Variants in ATRN observed in about 807,000 individuals in gnomAD.
ATRN encodes the protein attractin-2.
In ATRN, 54 loss-of-function variants were observed where a neutral mutation model predicts 178.7. That is an observed-to-expected ratio of 0.30 (90% confidence interval 0.24 to 0.38). The LOEUF (loss-of-function observed/expected upper bound fraction) is 0.38, where lower values mean the gene tolerates loss of function less well. Among genes scored for constraint, ATRN ranks in the 10% least tolerant of loss-of-function variants. The pLI, the probability that ATRN is intolerant of heterozygous loss-of-function variation, is 1.00. For missense variants in ATRN, 1,443 were observed against 1,815.1 expected (o/e 0.79, Z 3.73); for synonymous variants, 636 against 663.0 (o/e 0.96, Z 0.63).
intron 24 of ATRN, chr20:3,615,985 T>C (rs899993359): frequency 2.7e-5 from 6 of 224,712 alleles, no homozygotes; most frequent in African/African-American, 4.7e-5. Flanking sequence ...ATGGCATATG[T>C]ATACATATGT....
chr20:3,607,990 A>T (rs1230465246), intron 24 of ATRN, among the ~76,000 whole-genome samples: 2 of 152,100 alleles, frequency 1.3e-5, no homozygotes, highest in Non-Finnish European at 1.5e-5. Context: ...TTTTTTTCAT[A>T]TGCCTGTTGG....
intron 1 of ATRN, chr20:3,489,685 G>A: frequency 6.4e-7 from 1 of 1,568,516 alleles, no homozygotes; most frequent in Non-Finnish European, 8.8e-7. Context: ...TCTTCAATCT[G>A]CGTCACATTA....
intron 19 of ATRN, among the ~76,000 whole-genome samples, chr20:3,591,803 T>TC (rs1262019767): frequency 6.6e-6 from 1 of 151,704 alleles, no homozygotes; most frequent in African/African-American, 2.4e-5. Context: ...TTCCCCCTCC[T>TC]CCCCCCATCA....
At chr20:3,616,017 C>T (rs1341333397) in intron 24 of ATRN, 7 of 156,476 alleles carry the variant, frequency 4.5e-5, no homozygotes, top group Middle Eastern at 2.9e-3. Flanking sequence ...ATGTTGTGCA[C>T]ATGTACCCTA....
At chr20:3,552,061 C>G (rs957781539) in intron 6 of ATRN, among the ~76,000 whole-genome samples, 1 of 152,172 alleles carries the variant, frequency 6.6e-6, no homozygotes, top group Non-Finnish European at 1.5e-5. Context: ...TCCTTCCCTC[C>G]TCTTTTAAAC....
At chr20:3,550,531 C>T (rs1389749710) in intron 6 of ATRN, among the ~76,000 whole-genome samples, 1 of 152,194 alleles carries the variant, frequency 6.6e-6, no homozygotes, top group Non-Finnish European at 1.5e-5. Flanking sequence ...GTGGTCAGGT[C>T]AGGTTAGTAG....
chr20:3,596,348 A>T (rs1224795397), intron 20 of ATRN, 29 bp from the exon 21 acceptor site: 1 of 1,590,680 alleles, frequency 6.3e-7, no homozygotes, highest in Admixed American at 1.7e-5. Flanking sequence ...TTTAAATAGC[A>T]GTATAAAATA....
chr20:3,580,228 G>T (rs2086263929), intron 15 of ATRN, among the ~76,000 whole-genome samples: 1 of 152,066 alleles, frequency 6.6e-6, no homozygotes, highest in South Asian at 2.1e-4. Flanking sequence ...ACCCAGCTTT[G>T]CTTATTACCC....
intron 1 of ATRN, among the ~76,000 whole-genome samples, chr20:3,504,097 T>C (rs1423727921): frequency 6.6e-6 from 1 of 152,136 alleles, no homozygotes; most frequent in Non-Finnish European, 1.5e-5. Flanking sequence ...ATTTTCTGTA[T>C]GAAAACACGA....
intron 19 of ATRN, chr20:3,592,555 C>T: frequency 1.2e-6 from 1 of 845,460 alleles, no homozygotes; most frequent in Non-Finnish European, 1.4e-6. Context: ...AGCCAAAAAA[C>T]ATAATGAGTA....
chr20:3,526,088 T>C (rs2085360643), intron 1 of ATRN, among the ~76,000 whole-genome samples: 1 of 152,112 alleles, frequency 6.6e-6, no homozygotes, highest in Non-Finnish European at 1.5e-5. Context: ...GGTATTCAAG[T>C]AGGAAGAGAG....
intron 22 of ATRN, among the ~76,000 whole-genome samples, chr20:3,600,322 A>G (rs879493668): frequency 6.6e-5 from 10 of 151,736 alleles, no homozygotes; most frequent in Non-Finnish European, 1.5e-4. Flanking sequence ...TTTCAAAACT[A>G]AGAAGCCATA....
Position 3,501,497 on chromosome 20 carries a change from A to G in ATRN, c.410+29980A>G, listed in dbSNP as rs529937604. ...TAAGATGATCCTGGGACATCTTTTTATATCACAAAACAGGCTACTAGGGAG... is the reference window on the plus strand; with the variant it reads ...TAAGATGATCCTGGGACATCTTTTTGTATCACAAAACAGGCTACTAGGGAG... On this transcript the variant is annotated intron_variant, in intron 1 of 28. Transcript: ENST00000262919. Among the ~76,000 whole-genome samples the G allele has an allele frequency of 2.6e-5, 4 of 152,296 alleles. No individual in the cohort carries two copies. The East Asian group carries it at 7.7e-4, about 29-fold the overall frequency.
At position 3,594,589 on chromosome 20, in the gene ATRN, CT is replaced by C; in HGVS notation, c.3416+18del. Reference sequence around the variant, plus strand: ...GTGCCAGCTGTGAGTACCATACTCCCTGGACCACCAGGGAGGACCAAGAGGC... The same window carrying C: ...GTGCCAGCTGTGAGTACCATACTCCCGGACCACCAGGGAGGACCAAGAGGC... On this transcript the variant is annotated intron_variant, in intron 20 of 28. Transcript: ENST00000262919. The C allele has an allele frequency of 6.2e-7, 1 of 1,600,766 alleles. No homozygotes were observed. Among genetic ancestry groups the C allele is most frequent in the Non-Finnish European group, 8.5e-7 (1 of 1,171,374 alleles).
intron 1 of ATRN, among the ~76,000 whole-genome samples, chr20:3,478,683 AT>A (rs2084567874): frequency 1.3e-5 from 2 of 152,330 alleles, no homozygotes; most frequent in African/African-American, 4.8e-5. Flanking sequence ...TTAAAGTGTA[AT>A]AAAAAACAAA....
At position 3,589,023 on chromosome 20, in the gene ATRN, C is replaced by T. The variant is rs235535; in HGVS notation, c.3185-2146C>T. On this transcript the variant is annotated intron_variant, in intron 18 of 28. Transcript: ENST00000262919. ...TTTGAGACAGAGTCTCACTCTTTCA[C>T]CCAGTCTGGAGTGCAGTGACGTGAT... is the stretch of plus-strand genomic sequence containing the variant. Among the ~76,000 whole-genome samples, 237 of 111,898 alleles carry T rather than the reference C, an allele frequency of 2.1e-3. 1 individual carries two copies. Among genetic ancestry groups the T allele is most frequent in the African/African-American group, 7.4e-3 (223 of 30,064 alleles). 73.4% of individuals were successfully genotyped at this position (111,898 alleles called of 152,430 possible). A position where few individuals can be genotyped will look rare whatever the true frequency, so the allele number is the denominator to read the frequency against.
chr20:3,627,356 A>G (rs902873377), intron 25 of ATRN, among the ~76,000 whole-genome samples: 11 of 152,256 alleles, frequency 7.2e-5, no homozygotes, highest in Non-Finnish European at 1.6e-4. Flanking sequence ...AAGGTTGAGA[A>G]TCACTGCTTT....
intron 27 of ATRN, among the ~76,000 whole-genome samples, chr20:3,641,936 TAAAC>T (rs2087072428): frequency 6.6e-6 from 1 of 152,214 alleles, no homozygotes; most frequent in Non-Finnish European, 1.5e-5. Context: ...TATAGAAATC[TAAAC>T]AAACATTATC....
At chr20:3,488,456 A>C (rs953181885) in intron 1 of ATRN, among the ~76,000 whole-genome samples, 2 of 152,198 alleles carry the variant, frequency 1.3e-5, no homozygotes, top group Non-Finnish European at 2.9e-5. Context: ...TGCTTTATGC[A>C]TATCCAATCC....
Sources: gnomAD v4.1 joint callset for allele counts (sites outside exome capture counted in the v4.1 genomes callset) on GRCh38, gnomAD v4.1.1 for gene constraint, MANE v1.5 for transcripts, NCBI Gene and HGNC (gene_info 2026-07-23, HGNC 2026-07-21) for gene names.